The following DAAM1 variants were observed in gnomAD, a reference collection of about 807,000 sequenced individuals.
DAAM1 encodes disheveled-associated activator of morphogenesis 1.
DAAM1 carries 52 observed loss-of-function variants against 130.0 expected under a neutral mutation model. The ratio of observed to expected loss-of-function variants is 0.40; its 90% CI spans 0.32 to 0.50. The LOEUF (loss-of-function observed/expected upper bound fraction) is 0.50, where lower values mean the gene tolerates loss of function less well. DAAM1 is among the 20% of genes least tolerant of loss of function. DAAM1 has a pLI of 0.61. For missense variants in DAAM1, 1,134 were observed against 1,303.8 expected, an observed-to-expected ratio of 0.87 and a Z score of 2.01; for synonymous variants, 452 against 444.5, an observed-to-expected ratio of 1.02 and a Z score of -0.21.
chr14:59,254,395 G>C (rs1054938678), intron 1 of DAAM1, among the ~76,000 whole-genome samples: 1 of 152,184 alleles, frequency 6.6e-6, no homozygotes, highest in Non-Finnish European at 1.5e-5. Flanking sequence ...GACAAAGCTG[G>C]CTGTGGAGTT....
At chr14:59,353,817 T>G in intron 18 of DAAM1, 59 bp from the exon 19 acceptor site, 1 of 1,536,732 alleles carries the variant, frequency 6.5e-7, no homozygotes, top group Non-Finnish European at 8.9e-7. Flanking sequence ...CCATATCTGT[T>G]ATTAAGTGAA....
intron 3 of DAAM1, among the ~76,000 whole-genome samples, chr14:59,292,605 T>C (rs1883793282): frequency 6.6e-6 from 1 of 152,224 alleles, no homozygotes; most frequent in Admixed American, 6.5e-5. Flanking sequence ...ATCACTGCAT[T>C]GTCATTAGTG....
At chr14:59,332,538 A>G (rs1400533412) in intron 15 of DAAM1, among the ~76,000 whole-genome samples, 1 of 152,210 alleles carries the variant, frequency 6.6e-6, no homozygotes, top group Admixed American at 6.5e-5. Context: ...TTGTAATAGT[A>G]GCAAAAACAT....
intron 3 of DAAM1, among the ~76,000 whole-genome samples, chr14:59,301,063 A>C (rs1838804081): frequency 6.6e-6 from 1 of 151,464 alleles, no homozygotes; most frequent in Admixed American, 6.6e-5. Context: ...ATTAGTTGTC[A>C]ACCATGTGAA....
intron 17 of DAAM1, among the ~76,000 whole-genome samples, chr14:59,350,082 A>C (rs562236602): frequency 6.6e-6 from 1 of 152,204 alleles, no homozygotes; most frequent in African/African-American, 2.4e-5. Flanking sequence ...GCACTGAGAA[A>C]GAACAAGATA....
chr14:59,210,310 C>CA lies in DAAM1; in HGVS notation c.-38+21543dup, dbSNP rs112646059. 2.2e-4 allele frequency among the ~76,000 whole-genome samples: 34 copies of CA among 152,334 alleles called. 1 individual carries two copies. Among genetic ancestry groups the CA allele is most frequent in the African/African-American group, 7.7e-4 (32 of 41,578 alleles). On this transcript the variant is annotated intron_variant, in intron 1 of 24. Coordinates refer to ENST00000360909, the MANE Select transcript of DAAM1 (RefSeq NM_001270520.2). ...TGATTGGACAACTAGCAAAAGCTAT[C>CA]ACATGGTATTTTTGCATTTTAAAAA...
chr14:59,269,592 G>A (rs1464044753), intron 2 of DAAM1, among the ~76,000 whole-genome samples: 1 of 152,170 alleles, frequency 6.6e-6, no homozygotes, highest in African/African-American at 2.4e-5. Context: ...ATTTCTATTG[G>A]CTTGATTCCT....
chr14:59,218,391 G>C (rs536269532), intron 1 of DAAM1, among the ~76,000 whole-genome samples: 5 of 152,288 alleles, frequency 3.3e-5, no homozygotes, highest in African/African-American at 1.2e-4. Flanking sequence ...GCTGTTGCCT[G>C]TTCCTAGCCT....
In DAAM1 at chr14:59,331,221, G is replaced by A; in HGVS notation, c.1573G>A (p.Ala525Thr). ...LHELSRRAVC[A>T]SIPGGPSPGA... ...TTTATCTTTTCAGAGGGCCGTCTGT[G>A]CTTCAATCCCAGGTGGACCCTCGCC... Residue 525 changes from alanine (A) to threonine (T), a missense_variant, in exon 14 of 25, where the codon GCT becomes ACT. Around this residue, in one of 3 missense-constraint regions of DAAM1, gnomAD observed 644 missense variants for 695.9 expected, o/e 0.93. Transcript: ENST00000360909. 1 of 1,612,788 alleles carries A rather than the reference G, an allele frequency of 6.2e-7. No homozygotes were observed. The highest frequency in any genetic ancestry group is 2.2e-5 in the East Asian group (1 of 44,870).
At chr14:59,326,400 T>C (rs1885205283) in intron 10 of DAAM1, 110 bp from the exon 11 acceptor site, 1 of 1,131,828 alleles carries the variant, frequency 8.8e-7, no homozygotes, top group South Asian at 1.8e-5. Flanking sequence ...GTGCAGATGT[T>C]ATAAACATCT....
chr14:59,290,378 A>C (rs1220083529), intron 2 of DAAM1, among the ~76,000 whole-genome samples: 1 of 152,176 alleles, frequency 6.6e-6, no homozygotes, highest in Non-Finnish European at 1.5e-5. Context: ...ACACGACTCC[A>C]CTATTTGCTA....
chr14:59,363,854 T>C (rs1305721890), intron 23 of DAAM1, 72 bp downstream of exon 23: 2 of 1,591,338 alleles, frequency 1.3e-6, no homozygotes, highest in African/African-American at 1.3e-5. Flanking sequence ...TCAGTTATTA[T>C]TCTGTACGGG....
chr14:59,298,956 G>A (rs1014437612), intron 3 of DAAM1, among the ~76,000 whole-genome samples: 1 of 152,198 alleles, frequency 6.6e-6, no homozygotes, highest in African/African-American at 2.4e-5. Context: ...GCAGCAGTAA[G>A]TAAATGTACT....
chr14:59,350,901 C>G (rs1317117348), intron 17 of DAAM1, among the ~76,000 whole-genome samples: 2 of 152,150 alleles, frequency 1.3e-5, no homozygotes, highest in African/African-American at 4.8e-5. Flanking sequence ...GACACCTGTG[C>G]CTTCAGTAAC....
At chr14:59,309,924 T>C (rs1466979763) in intron 3 of DAAM1, among the ~76,000 whole-genome samples, 3 of 152,132 alleles carry the variant, frequency 2.0e-5, no homozygotes, top group Non-Finnish European at 4.4e-5. Context: ...AACATAAGAG[T>C]TCTTTTGGAT....
At chr14:59,354,361 G>C (rs1781688880) in intron 19 of DAAM1, among the ~76,000 whole-genome samples, 1 of 152,054 alleles carries the variant, frequency 6.6e-6, no homozygotes, top group South Asian at 2.1e-4. Flanking sequence ...CGCCTGGCCT[G>C]GTGATTTTTT....
At chr14:59,258,876 G>A (rs1391803442) in intron 1 of DAAM1, among the ~76,000 whole-genome samples, 1 of 152,132 alleles carries the variant, frequency 6.6e-6, no homozygotes, top group African/African-American at 2.4e-5. Flanking sequence ...ACCTGTCAAA[G>A]GCAATATTTT....
chr14:59,268,988 T>A (rs1882590008), intron 2 of DAAM1, among the ~76,000 whole-genome samples: 1 of 152,226 alleles, frequency 6.6e-6, no homozygotes, highest in South Asian at 2.1e-4. Context: ...TTTTTTATGT[T>A]AGCAATAGAC....
intron 3 of DAAM1, among the ~76,000 whole-genome samples, chr14:59,309,003 C>G (rs8020957): frequency 0.31 from 47,508 of 152,098 alleles, 8,796 homozygotes; most frequent in East Asian, 0.56. Flanking sequence ...GACCACATGG[C>G]TATCTTGGAA....
Sources: allele counts gnomAD v4.1 joint callset (sites outside exome capture counted in the v4.1 genomes callset), GRCh38; gene constraint gnomAD v4.1.1; regional missense constraint gnomAD v4.1.1; transcripts MANE v1.5; gene names NCBI Gene and HGNC (gene_info 2026-07-23, HGNC 2026-07-21).